Variants in RNASET2 observed in about 807,000 individuals in gnomAD.
The protein encoded by RNASET2 is ribonuclease 6.
A neutral mutation model predicts 33.9 loss-of-function variants in RNASET2; 28 were observed. The ratio of observed to expected loss-of-function variants is 0.83; its 90% confidence interval spans 0.61 to 1.13. The LOEUF is 1.13. Ranked by LOEUF, RNASET2 falls within the 50% of genes most tolerant of loss-of-function variation. The probability of loss-of-function intolerance (pLI) is 0.00; values close to 1 mark genes in which losing one functional copy is unlikely to be tolerated. For missense variants in RNASET2, 330 were observed against 319.9 expected (o/e 1.03, Z -0.24); for synonymous variants, 123 against 121.0 (o/e 1.02, Z -0.11).
Position 166,952,512 on chromosome 6 carries a change from C to T in RNASET2, c.123G>A (p.Gln41=). ...CCTCGCATACTGTCTCAGGCCAGTG[C>T]TGAACCATAATTAGTTTTTTCCACT... ...NHEWKKLIMV[Q]HWPETVCEKI... is the part of the protein sequence containing the mutation. Residue 41 remains glutamine (Q), a synonymous_variant, in exon 2 of 9, where the codon CAG becomes CAA. Coordinates refer to ENST00000508775, the MANE Select transcript of RNASET2 (RefSeq NM_003730.6). 1 of 1,614,038 alleles carries T rather than the reference C, an allele frequency of 6.2e-7. No individual in the cohort carries two copies. Among genetic ancestry groups the T allele is most frequent in the South Asian group, 1.1e-5 (1 of 91,088 alleles).
rs1290332213 is a variant in RNASET2, at chr6:166,928,601, G to C, written c.*987C>G. Among the ~76,000 whole-genome samples the C allele has an allele frequency of 6.6e-6, 1 of 152,180 alleles. No individual in the cohort carries two copies. The highest frequency in any genetic ancestry group is 1.5e-5 in the Non-Finnish European group (1 of 68,030). On this transcript the variant is annotated 3_prime_UTR_variant, in exon 9 of 9. Transcript: ENST00000508775. ...CGTTAATGTGATTAAGACAAACAGA[G>C]AAAAGGATTTAAAGAGAGAAGAGGC... is the stretch of plus-strand genomic sequence containing the variant.
chr6:166,939,015 G>C lies in RNASET2; in HGVS notation c.333-7C>G. On this transcript the variant is annotated splice_polypyrimidine_tract_variant and splice_region_variant and intron_variant, in intron 5 of 8. Coordinates refer to ENST00000508775, the MANE Select transcript of RNASET2 (RefSeq NM_003730.6). Reference sequence around the variant, plus strand: ...CTTTTCCCACTCATGCTTCCTGTGAGGATTAGGAAAAATCTCCACTTAAAA... The same window carrying C: ...CTTTTCCCACTCATGCTTCCTGTGACGATTAGGAAAAATCTCCACTTAAAA... 6.2e-7 allele frequency: 1 copy of C among 1,603,752 alleles called. No individual in the cohort carries two copies. Among genetic ancestry groups the C allele is most frequent in the Non-Finnish European group, 8.5e-7 (1 of 1,172,564 alleles).
chr6:166,931,238 A>C, intron 7 of RNASET2, 120 bp from the exon 8 acceptor site: 1 of 780,538 alleles, frequency 1.3e-6, no homozygotes, highest in Non-Finnish European at 2.3e-6. Context: ...CAGGGACAGG[A>C]CCCAGCACAG....
intron 6 of RNASET2, chr6:166,934,415 T>A (rs956230506): frequency 9.1e-6 from 4 of 437,608 alleles, no homozygotes; most frequent in African/African-American, 2.0e-5. Flanking sequence ...CACCACCGAG[T>A]GGAGCTGGCA....
intron 8 of RNASET2, among the ~76,000 whole-genome samples, chr6:166,930,767 GCA>G (rs1360304397): frequency 2.1e-5 from 3 of 141,120 alleles, no homozygotes; most frequent in African/African-American, 5.4e-5. Context: ...CACAGGACAT[GCA>G]CACACATGCA....
In RNASET2 at chr6:166,926,092, A is replaced by G. The variant is rs1306182858; in HGVS notation, c.*3496T>C. 6.6e-6 allele frequency among the ~76,000 whole-genome samples: 1 copy of G among 152,190 alleles called. No individual in the cohort carries two copies. Among genetic ancestry groups the G allele is most frequent in the East Asian group, 1.9e-4 (1 of 5,200 alleles). The stretch of plus-strand genomic sequence containing the variant: ...GACTGAGGCTTGAACTAAGTCAGTA[A>G]TGAGAAGGATAAGCTGAATATAATT... On this transcript the variant is annotated 3_prime_UTR_variant, in exon 9 of 9. Coordinates refer to ENST00000508775, the MANE Select transcript of RNASET2 (RefSeq NM_003730.6).
At position 166,927,713 on chromosome 6, in the gene RNASET2, C is replaced by CAAAAAAAAA. The variant is rs58837223; in HGVS notation, c.*1866_*1874dup. Among the ~76,000 whole-genome samples, 139 of 47,330 alleles carry CAAAAAAAAA rather than the reference C, an allele frequency of 2.9e-3. 7 individuals carry two copies. Among genetic ancestry groups the CAAAAAAAAA allele is most frequent in the African/African-American group, 0.011 (125 of 11,658 alleles). The allele number at this position is 47,330 out of a possible 152,430, so 31.1% of individuals were successfully genotyped here. Reference sequence around the variant, plus strand: ...TGATCCCTGTGTTCGCAAAATGACTCAAAAAAAAAAAAAAAAAAAAAAAGA... The same window carrying CAAAAAAAAA: ...TGATCCCTGTGTTCGCAAAATGACTCAAAAAAAAAAAAAAAAAAAAAAAAAAAAAAAAGA... On this transcript the variant is annotated 3_prime_UTR_variant, in exon 9 of 9. Transcript: ENST00000508775.
At chr6:166,949,223 G>T (rs1213098864) in intron 2 of RNASET2, among the ~76,000 whole-genome samples, 9 of 123,316 alleles carry the variant, frequency 7.3e-5, no homozygotes, top group African/African-American at 2.9e-4. Context: ...AAAAAAAAAG[G>T]CTGGGCACAG....
intron 7 of RNASET2, chr6:166,931,416 G>A (rs1260271406): frequency 4.3e-6 from 2 of 464,350 alleles, no homozygotes; most frequent in Non-Finnish European, 7.9e-6. Flanking sequence ...GCCCCGAGCT[G>A]TCTCACCTGA....
Position 166,928,275 on chromosome 6 carries a change from A to G in RNASET2, c.*1313T>C, listed in dbSNP as rs1778338192. ...GTCTAGGATCAGGACTGCGACACCT[A>G]CTTTCTCACCGTCCCATCTGCCTGG... is the stretch of plus-strand genomic sequence containing the variant. On this transcript the variant is annotated 3_prime_UTR_variant, in exon 9 of 9. Transcript: ENST00000508775. Among the ~76,000 whole-genome samples the G allele has an allele frequency of 6.6e-6, 1 of 152,150 alleles. No homozygotes were observed. The highest frequency in any genetic ancestry group is 2.1e-4 in the South Asian group (1 of 4,830).
Position 166,929,719 on chromosome 6 carries a change from T to G in RNASET2, c.640A>C (p.Thr214Pro), listed in dbSNP as rs777199814. Residue 214 changes from threonine (T) to proline (P), a missense_variant, in exon 9 of 9, where the codon ACC (threonine) becomes CCC (proline). By Grantham distance (38) the Thr-to-Pro change is conservative (BLOSUM62 -1). Coordinates refer to ENST00000508775, the MANE Select transcript of RNASET2 (RefSeq NM_003730.6). ...GGGGACGGCTGCTCCCCCGGCTCGGTGCAGTTTTGCAGCTGCTGGTCTTGC... is the reference window on the plus strand; with the variant it reads ...GGGGACGGCTGCTCCCCCGGCTCGGGGCAGTTTTGCAGCTGCTGGTCTTGC... ...TKQDQQLQNC[T>P]EPGEQPSPKQ... is the part of the protein sequence containing the mutation. 4 of 1,614,180 alleles carry G rather than the reference T, an allele frequency of 2.5e-6. No individual in the cohort carries two copies. The highest frequency in any genetic ancestry group is 2.2e-5 in the South Asian group (2 of 91,080).
At chr6:166,947,859 T>C (rs1010394144) in intron 3 of RNASET2, among the ~76,000 whole-genome samples, 2 of 152,136 alleles carry the variant, frequency 1.3e-5, no homozygotes, top group African/African-American at 2.4e-5. Context: ...CCATGTTACA[T>C]AGAAAAGAAT....
Position 166,929,806 on chromosome 6 carries a change from T to A in RNASET2, c.568-15A>T, listed in dbSNP as rs759349550. 4 of 1,605,832 alleles carry A rather than the reference T, an allele frequency of 2.5e-6. No homozygotes were observed. Among genetic ancestry groups the A allele is most frequent in the Non-Finnish European group, 3.4e-6 (4 of 1,172,642 alleles). On this transcript the variant is annotated splice_polypyrimidine_tract_variant and intron_variant, in intron 8 of 8. Transcript: ENST00000508775. ...ACTTCCTCATCCTAAAAGTAAACAA[T>A]GAAAGACGCTTTAGAATTCAGATCT... is the stretch of plus-strand genomic sequence containing the variant.
chr6:166,935,808 G>C (rs780138717), intron 6 of RNASET2, among the ~76,000 whole-genome samples: 1 of 152,160 alleles, frequency 6.6e-6, no homozygotes, highest in African/African-American at 2.4e-5. Context: ...CTCCTGAGTA[G>C]CTAGGATTAC....
intron 3 of RNASET2, among the ~76,000 whole-genome samples, chr6:166,947,533 G>T (rs540219598): frequency 6.6e-6 from 1 of 152,276 alleles, no homozygotes; most frequent in South Asian, 2.1e-4. Context: ...GAAATGAAAC[G>T]GCCATGATGG....
intron 5 of RNASET2, among the ~76,000 whole-genome samples, chr6:166,939,543 C>T (rs1298993450): frequency 6.6e-6 from 1 of 152,170 alleles, no homozygotes; most frequent in East Asian, 1.9e-4. Context: ...CAATTAACAA[C>T]AAATCAAAGC....
In RNASET2 at chr6:166,928,611, T is replaced by C. The variant is rs375998964; in HGVS notation, c.*977A>G. Among the ~76,000 whole-genome samples the C allele has an allele frequency of 1.3e-4, 20 of 152,156 alleles. No individual in the cohort carries two copies. The highest frequency in any genetic ancestry group is 4.6e-4 in the African/African-American group (19 of 41,412). ...ATTAAGACAAACAGAGAAAAGGATT[T>C]AAAGAGAGAAGAGGCCAGGAGACGC... On this transcript the variant is annotated 3_prime_UTR_variant, in exon 9 of 9. Transcript: ENST00000508775.
chr6:166,954,679 T>C (rs1223858584), intron 1 of RNASET2, among the ~76,000 whole-genome samples: 2 of 152,264 alleles, frequency 1.3e-5, no homozygotes, highest in East Asian at 3.8e-4. Flanking sequence ...ATGCTACATT[T>C]TAATGTACAT....
chr6:166,946,640 A>AG (rs1157316644), intron 4 of RNASET2, 42 bp downstream of exon 4: 1 of 1,062,296 alleles, frequency 9.4e-7, no homozygotes, highest in Admixed American at 1.9e-5. Flanking sequence ...GAGTTAATCT[A>AG]GGTCAACACT....
Sources: allele counts gnomAD v4.1 joint callset (sites outside exome capture counted in the v4.1 genomes callset), GRCh38; gene constraint gnomAD v4.1.1; transcripts MANE v1.5; gene names NCBI Gene and HGNC (gene_info 2026-07-23, HGNC 2026-07-21).